The following LIMCH1 variants were observed in gnomAD, a reference collection of about 807,000 sequenced individuals.
The protein encoded by LIMCH1 is LIM and calponin homology domains-containing protein 1.
Under a neutral mutation model 176.5 loss-of-function variants are expected in LIMCH1, and 113 were observed. The ratio of observed to expected loss-of-function variants is 0.64; its 90% CI spans 0.55 to 0.75. The LOEUF (loss-of-function observed/expected upper bound fraction) is 0.75, where lower values mean the gene tolerates loss of function less well. Ranked by LOEUF, LIMCH1 falls within the 30% of genes least tolerant of loss-of-function variation. LIMCH1 has a pLI of 0.00. For synonymous variants in LIMCH1, 619 were observed against 645.9 expected, an observed-to-expected ratio of 0.96 and a Z score of 0.63; for missense variants, 1,674 against 1,814.9, an observed-to-expected ratio of 0.92 and a Z score of 1.41.
chr4:41,417,478 A>C (rs1022946277), intron 1 of LIMCH1, among the ~76,000 whole-genome samples: 2 of 152,198 alleles, frequency 1.3e-5, no homozygotes, highest in African/African-American at 4.8e-5. Context: ...TAGGCGATCC[A>C]TCCAAGAATT....
intron 1 of LIMCH1, among the ~76,000 whole-genome samples, chr4:41,423,127 G>A (rs1324388196): frequency 6.6e-6 from 1 of 152,172 alleles, no homozygotes; most frequent in Non-Finnish European, 1.5e-5. Flanking sequence ...CCTTCTGAGG[G>A]GACTACTGTG....
intron 2 of LIMCH1, among the ~76,000 whole-genome samples, chr4:41,496,459 T>C (rs966228645): frequency 6.6e-6 from 1 of 152,126 alleles, no homozygotes; most frequent in Non-Finnish European, 1.5e-5. Flanking sequence ...GGAAAGCCAG[T>C]AGCGTGAACC....
chr4:41,488,317 C>T (rs961669909), intron 1 of LIMCH1, among the ~76,000 whole-genome samples: 24 of 152,244 alleles, frequency 1.6e-4, no homozygotes, highest in African/African-American at 4.1e-4. Flanking sequence ...GATGACACAT[C>T]AGTGGCAGAA....
At chr4:41,493,356 A>G (rs945085444) in intron 1 of LIMCH1, among the ~76,000 whole-genome samples, 40 of 150,374 alleles carry the variant, frequency 2.7e-4, no homozygotes, top group African/African-American at 9.8e-4. Context: ...TTATTTTGCT[A>G]TTTTAGAGGT....
rs141265379 is a variant in LIMCH1, at chr4:41,434,797, G to A, written c.97-59739G>A. ...CTCCCAAAGTGCTGGGATTACAGGCGTGAGCCACCATACCCAGCCCTGGAT... is the reference window on the plus strand; with the variant it reads ...CTCCCAAAGTGCTGGGATTACAGGCATGAGCCACCATACCCAGCCCTGGAT... On this transcript the variant is annotated intron_variant, in intron 1 of 26. Transcript: ENST00000313860. Among the ~76,000 whole-genome samples, 900 of 152,308 alleles carry A rather than the reference G, an allele frequency of 5.9e-3. 10 individuals carry two copies. The highest frequency in any genetic ancestry group is 0.021 in the African/African-American group (853 of 41,572).
At chr4:41,493,297 A>AT (rs2071436782) in intron 1 of LIMCH1, among the ~76,000 whole-genome samples, 1 of 151,720 alleles carries the variant, frequency 6.6e-6, no homozygotes, top group African/African-American at 2.4e-5. Flanking sequence ...AATTGTTAGT[A>AT]TTTTTTATGA....
rs548200969 is a variant in LIMCH1, at chr4:41,463,361, G to GA, written c.97-31168dup. Among the ~76,000 whole-genome samples, 138 of 151,896 alleles carry GA rather than the reference G, an allele frequency of 9.1e-4. 3 individuals carry two copies. In the South Asian group the frequency reaches 0.025, roughly 28 times the overall value. ...TTATCTGTGTTTAGGGCTCAGAACA[G>GA]AAAAAAATGAGAAAGGTTTAATGCT... is the stretch of plus-strand genomic sequence containing the variant. On this transcript the variant is annotated intron_variant, in intron 1 of 26. Coordinates refer to the LIMCH1 transcript ENST00000313860.
intron 1 of LIMCH1, among the ~76,000 whole-genome samples, chr4:41,428,355 A>G (rs558197695): frequency 5.9e-5 from 9 of 152,324 alleles, no homozygotes; most frequent in African/African-American, 1.7e-4. Context: ...AAATAAGTTA[A>G]TATCTCTAAA....
intron 30 of LIMCH1, 79 bp from the exon 31 acceptor site, chr4:41,692,203 T>G (rs1024905506): frequency 1.2e-6 from 1 of 841,206 alleles, no homozygotes; most frequent in Non-Finnish European, 2.1e-6. Flanking sequence ...TATTGTGCTA[T>G]TCACATAAAC....
At chr4:41,417,765 C>T (rs1267221152) in intron 1 of LIMCH1, among the ~76,000 whole-genome samples, 1 of 152,158 alleles carries the variant, frequency 6.6e-6, no homozygotes, top group African/African-American at 2.4e-5. Flanking sequence ...TTCAATAGAG[C>T]CGCCCACCTC....
chr4:41,530,013 C>T (rs2077083321), intron 3 of LIMCH1, among the ~76,000 whole-genome samples: 1 of 152,102 alleles, frequency 6.6e-6, no homozygotes, highest in African/African-American at 2.4e-5. Flanking sequence ...TTAGAGCTTC[C>T]TGCCATGGAA....
At position 41,494,502 on chromosome 4, in the gene LIMCH1, A is replaced by C. The variant is rs770566444; in HGVS notation, c.97-34A>C. 4 of 1,560,444 alleles carry C rather than the reference A, an allele frequency of 2.6e-6. No homozygotes were observed. The East Asian group carries it at 9.0e-5, about 35-fold the overall frequency. On this transcript the variant is annotated intron_variant, in intron 1 of 26. Coordinates refer to the LIMCH1 transcript ENST00000313860. Reference sequence around the variant, plus strand: ...TTGGACTTCTTGATTAAAAAAGAAAAACTTATGTGCTCTTTTTCTTTTCTT... The same window carrying C: ...TTGGACTTCTTGATTAAAAAAGAAACACTTATGTGCTCTTTTTCTTTTCTT...
intron 1 of LIMCH1, among the ~76,000 whole-genome samples, chr4:41,471,494 C>T (rs2066954420): frequency 1.3e-5 from 2 of 152,146 alleles, no homozygotes; most frequent in South Asian, 4.1e-4. Flanking sequence ...TCTTGGAGGC[C>T]CTGCTGCCCC....
chr4:41,638,246 T>G (rs1375976339), intron 13 of LIMCH1, among the ~76,000 whole-genome samples: 1 of 152,228 alleles, frequency 6.6e-6, no homozygotes, highest in East Asian at 1.9e-4. Context: ...TACAACTTTA[T>G]GGATCTAAAT....
chr4:41,559,230 C>T (rs1299290871), intron 1 of LIMCH1, among the ~76,000 whole-genome samples: 2 of 152,068 alleles, frequency 1.3e-5, no homozygotes, highest in Non-Finnish European at 2.9e-5. Context: ...AATCAAAAGT[C>T]CAGCTTCAAG....
intron 1 of LIMCH1, among the ~76,000 whole-genome samples, chr4:41,419,837 T>TCCTC (rs1213049836): frequency 1.3e-5 from 2 of 149,000 alleles, no homozygotes; most frequent in Non-Finnish European, 3.0e-5. Flanking sequence ...CTCCCTCTCT[T>TCCTC]CCTCCCTCCC....
chr4:41,612,621 T>G, intron 4 of LIMCH1: 1 of 702,588 alleles, frequency 1.4e-6, no homozygotes, highest in Non-Finnish European at 2.6e-6. Flanking sequence ...TGGCTTTGAC[T>G]GACCTTTCTT....
At chr4:41,584,055 T>A (rs2086011280) in intron 1 of LIMCH1, among the ~76,000 whole-genome samples, 1 of 152,176 alleles carries the variant, frequency 6.6e-6, no homozygotes, top group African/African-American at 2.4e-5. Context: ...GCACTCACAC[T>A]CATATGACCT....
chr4:41,575,925 G>A (rs2084393668), intron 1 of LIMCH1, among the ~76,000 whole-genome samples: 1 of 152,066 alleles, frequency 6.6e-6, no homozygotes, highest in African/African-American at 2.4e-5. Flanking sequence ...AACCTTTTTG[G>A]AACTATTTGT....
Sources: gnomAD v4.1 joint callset for allele counts (sites outside exome capture counted in the v4.1 genomes callset) on GRCh38, gnomAD v4.1.1 for gene constraint, MANE v1.5 for transcripts, NCBI Gene and HGNC (gene_info 2026-07-23, HGNC 2026-07-21) for gene names.